The following ENTREP2 variants were observed in gnomAD, a reference collection of about 807,000 sequenced individuals.
ENTREP2 encodes protein ENTREP2.
the ENTREP2 span, among the ~76,000 whole-genome samples, chr15:29,393,548 G>A: frequency 6.6e-6 from 1 of 152,098 alleles, no homozygotes; most frequent in African/African-American, 2.4e-5. Flanking sequence ...TTGGGAGTAG[G>A]GCAGTGGACC....
At chr15:29,120,175 C>G in the ENTREP2 span, 10 of 152,388 alleles carry the variant, frequency 6.6e-5, no homozygotes, top group East Asian at 1.9e-3. Context: ...AAGGTCCTCT[C>G]AGGACCCTGC....
At chr15:29,206,776 G>A in the ENTREP2 span, among the ~76,000 whole-genome samples, 1 of 152,160 alleles carries the variant, frequency 6.6e-6, no homozygotes, top group African/African-American at 2.4e-5. Flanking sequence ...TACACTTTAA[G>A]TGGGTGAATT....
chr15:29,601,433 CTTT>C, the ENTREP2 span, among the ~76,000 whole-genome samples: 4 of 142,518 alleles, frequency 2.8e-5, no homozygotes, highest in African/African-American at 1.0e-4. Context: ...CCACCACCAC[CTTT>C]TTTTTTTTTT....
chr15:29,343,027 T>TTGG, the ENTREP2 span, among the ~76,000 whole-genome samples: 1 of 130,886 alleles, frequency 7.6e-6, no homozygotes, highest in Non-Finnish European at 1.6e-5. Context: ...TAAAAAGGAA[T>TTGG]GGGGGGGGTG....
the ENTREP2 span, among the ~76,000 whole-genome samples, chr15:29,431,881 A>G: frequency 4.6e-5 from 7 of 152,224 alleles, no homozygotes; most frequent in African/African-American, 1.7e-4. Flanking sequence ...TCTTCAAATT[A>G]ATGAAATGAA....
chr15:29,419,976 G>A, the ENTREP2 span, among the ~76,000 whole-genome samples: 5 of 152,202 alleles, frequency 3.3e-5, no homozygotes, highest in African/African-American at 9.6e-5. Context: ...TTGATGAAAG[G>A]GATGAATGAA....
At chr15:29,205,063 G>C in the ENTREP2 span, among the ~76,000 whole-genome samples, 2 of 152,114 alleles carry the variant, frequency 1.3e-5, no homozygotes, top group Admixed American at 1.3e-4. Flanking sequence ...CCTGCAAGTG[G>C]AATCAGGCAG....
At chr15:29,444,190 G>GAAAGAAAGAAAGAAAGA in the ENTREP2 span, among the ~76,000 whole-genome samples, 1 of 92,268 alleles carries the variant, frequency 1.1e-5, no homozygotes, top group African/African-American at 4.0e-5. Context: ...AAGAAAGAAA[G>GAAAGAAAGAAAGAAAGA]AAAGAAAGAA....
At chr15:29,531,484 A>AAC in the ENTREP2 span, among the ~76,000 whole-genome samples, 2 of 152,186 alleles carry the variant, frequency 1.3e-5, no homozygotes, top group African/African-American at 4.8e-5. Flanking sequence ...AACTGGGCAG[A>AAC]ACATGAAGGG....
At chr15:29,137,138 G>T in the ENTREP2 span, 23 of 1,476,994 alleles carry the variant, frequency 1.6e-5, no homozygotes, top group Non-Finnish European at 2.0e-5. Context: ...GGTGGAGAAC[G>T]GTGCCGTGAG....
the ENTREP2 span, among the ~76,000 whole-genome samples, chr15:29,617,033 C>G: frequency 6.6e-6 from 1 of 152,180 alleles, no homozygotes; most frequent in African/African-American, 2.4e-5. Flanking sequence ...GCACTCCAGT[C>G]TGGGCAACTG....
the ENTREP2 span, among the ~76,000 whole-genome samples, chr15:29,635,346 T>A: frequency 6.6e-6 from 1 of 152,108 alleles, no homozygotes; most frequent in African/African-American, 2.4e-5. Context: ...ACTGTGTAGT[T>A]GCTAAGGATT....
chr15:29,564,555 C>T, the ENTREP2 span, among the ~76,000 whole-genome samples: 1 of 152,142 alleles, frequency 6.6e-6, no homozygotes, highest in African/African-American at 2.4e-5. Flanking sequence ...GCTGATTCTC[C>T]CAGGTCCACA....
the ENTREP2 span, among the ~76,000 whole-genome samples, chr15:29,216,553 A>C: frequency 6.6e-6 from 1 of 152,164 alleles, no homozygotes; most frequent in East Asian, 1.9e-4. Context: ...TACTCCCCCA[A>C]ATATGTTTTC....
chr15:29,228,308 G>A, the ENTREP2 span, among the ~76,000 whole-genome samples: 6 of 148,062 alleles, frequency 4.1e-5, no homozygotes, highest in African/African-American at 1.5e-4. Flanking sequence ...AACACAGCAA[G>A]ACTCCGTCTC....
the ENTREP2 span, among the ~76,000 whole-genome samples, chr15:29,184,033 T>G: frequency 1.5e-4 from 23 of 152,138 alleles, no homozygotes; most frequent in Non-Finnish European, 2.4e-4. Flanking sequence ...CAGGCTGGAG[T>G]GCAGTGGCAT....
chr15:29,654,134 T>C, the ENTREP2 span, among the ~76,000 whole-genome samples: 2 of 152,380 alleles, frequency 1.3e-5, no homozygotes, highest in African/African-American at 2.4e-5. Flanking sequence ...CCTAAAATCT[T>C]GTCCAAAGTT....
At chr15:29,314,808 T>C in the ENTREP2 span, among the ~76,000 whole-genome samples, 1 of 152,280 alleles carries the variant, frequency 6.6e-6, no homozygotes, top group Admixed American at 6.5e-5. Flanking sequence ...TCCCAGCACT[T>C]TGGGAGGCCG....
chr15:29,310,625 A>G, the ENTREP2 span, among the ~76,000 whole-genome samples: 131 of 152,306 alleles, frequency 8.6e-4, no homozygotes, highest in Non-Finnish European at 1.5e-3. Context: ...GGCAGGGAAG[A>G]ATTGTCCGGG....
Sources: allele counts gnomAD v4.1 joint callset (sites outside exome capture counted in the v4.1 genomes callset), GRCh38; gene constraint gnomAD v4.1.1; transcripts MANE v1.5; gene names NCBI Gene and HGNC (gene_info 2026-07-23, HGNC 2026-07-21).